The following RP1 variants were observed in gnomAD, a reference collection of about 807,000 sequenced individuals.
RP1 encodes the protein RP1 axonemal microtubule associated.
In RP1, 16 loss-of-function variants were observed where a neutral mutation model predicts 14.8. The ratio of observed to expected loss-of-function variants is 1.08; its 90% CI spans 0.73 to 1.65. RP1 has a LOEUF of 1.65. Among genes scored for constraint, RP1 ranks in the 40% most tolerant of loss-of-function variants. The pLI is 0.00. For synonymous variants in RP1, 876 were observed against 883.6 expected, an observed-to-expected ratio of 0.99 and a Z score of 0.15; for missense variants, 2,631 against 2,535.0, an observed-to-expected ratio of 1.04 and a Z score of -0.81.
At chr8:54,837,637 C>A (rs1811692613) in exon 25 of RP1, 1 of 1,231,794 alleles carries the variant, frequency 8.1e-7, no homozygotes, top group East Asian at 3.2e-5. Context: ...AAGGAAATAC[C>A]CATCATGGGA....
intron 24 of RP1, among the ~76,000 whole-genome samples, chr8:54,787,930 A>T (rs1810365349): frequency 6.6e-6 from 1 of 152,212 alleles, no homozygotes; most frequent in African/African-American, 2.4e-5. Context: ...GTAAGCTTTA[A>T]TTTCCTCCTT....
intron 24 of RP1, among the ~76,000 whole-genome samples, chr8:54,823,490 C>T (rs1811307039): frequency 6.6e-6 from 1 of 152,044 alleles, no homozygotes; most frequent in Admixed American, 6.6e-5. Flanking sequence ...GGCACCACAC[C>T]AGCTAATTTT....
intron 6 of RP1, among the ~76,000 whole-genome samples, chr8:54,661,494 C>A (rs1240015619): frequency 2.0e-5 from 3 of 151,382 alleles, no homozygotes; most frequent in East Asian, 3.9e-4. Context: ...AAAAAGAAAT[C>A]TTTAGATTCT....
At chr8:54,673,346 C>T (rs453186) in intron 7 of RP1, among the ~76,000 whole-genome samples, 33,537 of 152,070 alleles carry the variant, frequency 0.22, 4,282 homozygotes, top group East Asian at 0.42. Flanking sequence ...TTGACTTTAT[C>T]GGAAGTATTC....
rs374082111 is a variant in RP1, at chr8:54,695,640, A to C, written c.1718-3827A>C. ...CAGATTCTTTCATTGTGAACTCATT[A>C]GTTTGCACAATTAATGAATCATCTG... On this transcript the variant is annotated intron_variant, in intron 12 of 22. Transcript: ENST00000636932. 2.7e-4 allele frequency among the ~76,000 whole-genome samples: 41 copies of C among 152,276 alleles called. No individual in the cohort carries two copies. The East Asian group carries it at 3.7e-3, about 14-fold the overall frequency.
At chr8:54,816,352 G>A (rs1419505943) in intron 24 of RP1, among the ~76,000 whole-genome samples, 5 of 152,160 alleles carry the variant, frequency 3.3e-5, no homozygotes, top group Non-Finnish European at 5.9e-5. Context: ...AATGCTAATG[G>A]CCATTAAAAG....
intron 1 of RP1, among the ~76,000 whole-genome samples, chr8:54,599,598 T>G (rs979818903): frequency 2.0e-5 from 3 of 151,920 alleles, no homozygotes; most frequent in African/African-American, 7.3e-5. Context: ...AGGCTACAGG[T>G]GCACATCACC....
At chr8:54,788,372 G>A (rs2129383176) in intron 24 of RP1, among the ~76,000 whole-genome samples, 1 of 152,334 alleles carries the variant, frequency 6.6e-6, no homozygotes, top group South Asian at 2.1e-4. Flanking sequence ...CTAGATGGGT[G>A]TTAGCATGTC....
At chr8:54,595,068 T>C (rs1563320971) in intron 1 of RP1, among the ~76,000 whole-genome samples, 1 of 152,106 alleles carries the variant, frequency 6.6e-6, no homozygotes, top group Non-Finnish European at 1.5e-5. Context: ...AAATGAATAA[T>C]TCCTTCTGAA....
intron 19 of RP1, among the ~76,000 whole-genome samples, chr8:54,747,636 CATGCCTGTA>C (rs1809259728): frequency 6.6e-6 from 1 of 152,228 alleles, no homozygotes; most frequent in South Asian, 2.1e-4. Context: ...TGCATTGGCT[CATGCCTGTA>C]ATCCCAGCAC....
chr8:54,810,874 C>T (rs1266588127), intron 24 of RP1, among the ~76,000 whole-genome samples: 2 of 152,160 alleles, frequency 1.3e-5, no homozygotes, highest in Non-Finnish European at 1.5e-5. Flanking sequence ...TGTTAGCAGG[C>T]CAAGCCTTTG....
chr8:54,865,918 T>C lies in RP1; in HGVS notation c.4151+2T>C. On this transcript the variant is annotated splice_donor_variant, in intron 28 of 28. Coordinates refer to the RP1 transcript ENST00000637698. LOFTEE classifies it high-confidence loss of function. Reference sequence around the variant, plus strand: ...AGAGGTGCTGTTTCTATGCAACAGGTATGCTCTTAATGCATTATTATGCAA... The same window carrying C: ...AGAGGTGCTGTTTCTATGCAACAGGCATGCTCTTAATGCATTATTATGCAA... 8.3e-7 allele frequency: 1 copy of C among 1,212,008 alleles called. No homozygotes were observed. The highest frequency in any genetic ancestry group is 1.0e-6 in the Non-Finnish European group (1 of 969,668). 75.1% of individuals were successfully genotyped at this position (1,212,008 alleles called of 1,614,324 possible).
chr8:54,649,328 G>A (rs1806611524), intron 4 of RP1, among the ~76,000 whole-genome samples: 2 of 152,250 alleles, frequency 1.3e-5, no homozygotes, highest in African/African-American at 2.4e-5. Flanking sequence ...AATATGGGAA[G>A]AGACAGTAGC....
At chr8:54,731,163 T>C (rs544874435) in intron 17 of RP1, among the ~76,000 whole-genome samples, 1 of 152,328 alleles carries the variant, frequency 6.6e-6, no homozygotes, top group African/African-American at 2.4e-5. Flanking sequence ...TTATTACTTA[T>C]TTCTACAAGT....
rs772289541 is a variant in RP1 at position 54,783,709 on chromosome 8, AG to A, written c.3615+1del. The A allele has an allele frequency of 6.5e-5, 80 of 1,230,248 alleles. No homozygotes were observed. In the Middle Eastern group the frequency reaches 3.1e-3, roughly 48 times the overall value. The allele number at this position is 1,230,248 out of a possible 1,614,324, so 76.2% of individuals were successfully genotyped here. A position where few individuals can be genotyped will look rare whatever the true frequency, so the allele number is the denominator to read the frequency against. On this transcript the variant is annotated frameshift_variant and splice_region_variant, in exon 24 of 29. Coordinates refer to the RP1 transcript ENST00000637698. LOFTEE classifies it high-confidence loss of function. ...AACCCTAACACTGCAGATATATTCA[AG>A]GTAAAAATGATACAGCTATAACTTG...
intron 12 of RP1, among the ~76,000 whole-genome samples, chr8:54,682,405 G>A (rs757139181): frequency 6.6e-6 from 1 of 151,936 alleles, no homozygotes; most frequent in Non-Finnish European, 1.5e-5. Flanking sequence ...AAATCAGTGT[G>A]GCGATTCCTC....
chr8:54,709,701 G>T (rs1312943851), intron 15 of RP1, among the ~76,000 whole-genome samples: 1 of 152,150 alleles, frequency 6.6e-6, no homozygotes, highest in Non-Finnish European at 1.5e-5. Flanking sequence ...GCCTTTTGGA[G>T]ATAAGCACAC....
intron 1 of RP1, among the ~76,000 whole-genome samples, chr8:54,607,232 T>C (rs1440441051): frequency 1.3e-5 from 2 of 152,196 alleles, no homozygotes; most frequent in Non-Finnish European, 2.9e-5. Context: ...GGTGTGGATG[T>C]CCTTTCTGTT....
At chr8:54,676,071 T>C (rs1563344620) in intron 8 of RP1, among the ~76,000 whole-genome samples, 1 of 152,100 alleles carries the variant, frequency 6.6e-6, no homozygotes, top group Non-Finnish European at 1.5e-5. Flanking sequence ...TGAGCCCTCA[T>C]GACTTAATCA....
Sources: allele counts gnomAD v4.1 joint callset (sites outside exome capture counted in the v4.1 genomes callset), GRCh38; gene constraint gnomAD v4.1.1; transcripts MANE v1.5; gene names NCBI Gene and HGNC (gene_info 2026-07-23, HGNC 2026-07-21).